The following COG3 variants were observed in gnomAD, a reference collection of about 807,000 sequenced individuals.
The protein encoded by COG3 is component of oligomeric golgi complex 3.
COG3 carries 32 observed loss-of-function variants against 114.1 expected under a neutral mutation model. The ratio of observed to expected loss-of-function variants is 0.28; its 90% CI spans 0.21 to 0.38. The LOEUF (loss-of-function observed/expected upper bound fraction) is 0.38, where lower values mean the gene tolerates loss of function less well. Among genes scored for constraint, COG3 ranks in the 10% least tolerant of loss-of-function variants. The pLI is 1.00. For missense variants in COG3, 813 were observed against 973.2 expected (o/e 0.84, Z 2.19); for synonymous variants, 352 against 365.7 (o/e 0.96, Z 0.43).
intron 19 of COG3, among the ~76,000 whole-genome samples, chr13:45,519,958 T>C (rs1447055383): frequency 6.6e-6 from 1 of 152,214 alleles, no homozygotes; most frequent in Non-Finnish European, 1.5e-5. Context: ...TAAGTGTCAT[T>C]ACTAAGGACT....
At chr13:45,525,110 A>G (rs547418924) in intron 20 of COG3, 59 bp downstream of exon 20, 11 of 1,376,854 alleles carry the variant, frequency 8.0e-6, no homozygotes, top group Admixed American at 5.3e-5. Flanking sequence ...TTGCATTTAT[A>G]TAGTCCTTAC....
At chr13:45,502,164 A>G (rs1282483355) in intron 13 of COG3, among the ~76,000 whole-genome samples, 5 of 152,184 alleles carry the variant, frequency 3.3e-5, no homozygotes, top group Admixed American at 3.3e-4. Flanking sequence ...CAAAGCAGGT[A>G]TGATGAAGAC....
At chr13:45,513,214 A>G (rs1317163595) in intron 16 of COG3, among the ~76,000 whole-genome samples, 1 of 47,498 alleles carries the variant, frequency 2.1e-5, no homozygotes, top group East Asian at 5.3e-4. Context: ...ATACATATAA[A>G]TTATATATAT....
chr13:45,522,947 C>G (rs548636651), intron 19 of COG3, among the ~76,000 whole-genome samples: 1 of 152,172 alleles, frequency 6.6e-6, no homozygotes, highest in Admixed American at 6.5e-5. Flanking sequence ...CCTGCAACTG[C>G]GTCTGCCACC....
chr13:45,510,735 C>G (rs1870765916), intron 15 of COG3, among the ~76,000 whole-genome samples: 1 of 152,150 alleles, frequency 6.6e-6, no homozygotes, highest in Non-Finnish European at 1.5e-5. Flanking sequence ...AGCTTATATT[C>G]AAATCTTAAC....
At chr13:45,478,244 T>G (rs1886013724) in intron 2 of COG3, among the ~76,000 whole-genome samples, 2 of 150,306 alleles carry the variant, frequency 1.3e-5, no homozygotes, top group African/African-American at 4.9e-5. Flanking sequence ...CAAACTGGAG[T>G]GCAGTGGCGT....
At chr13:45,513,501 A>ATATATAATATATACATATAAAT (rs1394176236) in intron 16 of COG3, among the ~76,000 whole-genome samples, 66 of 3,792 alleles carry the variant, frequency 0.017, 12 homozygotes, top group African/African-American at 0.027. Flanking sequence ...CATATAAATT[A>ATATATAATATATACATATAAAT]TATATATAAT....
chr13:45,531,845 A>T (rs1382661214), intron 22 of COG3, among the ~76,000 whole-genome samples: 1 of 152,148 alleles, frequency 6.6e-6, no homozygotes, highest in African/African-American at 2.4e-5. Context: ...GAGGAGAAAG[A>T]TGGGGTGGTA....
chr13:45,484,503 A>C (rs926443816), intron 7 of COG3, among the ~76,000 whole-genome samples: 1 of 152,172 alleles, frequency 6.6e-6, no homozygotes, highest in Non-Finnish European at 1.5e-5. Context: ...GAGAGATGAC[A>C]GTTCCATTTA....
Position 45,509,681 on chromosome 13 carries a change from T to C in COG3, c.1595-11T>C, listed in dbSNP as rs1336304069. The C allele has an allele frequency of 1.2e-6, 2 of 1,611,234 alleles. No homozygotes were observed. Among genetic ancestry groups the C allele is most frequent in the African/African-American group, 1.3e-5 (1 of 74,828 alleles). ...GTGTGAAATGTGTCTTCTTTTCCAC[T>C]TGGGTTTTAGGTTCAACAGAATCCC... On this transcript the variant is annotated splice_polypyrimidine_tract_variant and intron_variant, in intron 14 of 22. Coordinates refer to ENST00000349995, the MANE Select transcript of COG3 (RefSeq NM_031431.4).
chr13:45,535,887 AT>A lies in COG3; in HGVS notation c.*1158del, dbSNP rs1873519647. On this transcript the variant is annotated 3_prime_UTR_variant, in exon 23 of 23. Transcript: ENST00000349995. ...CAGCCAGCTTCTTAGTTCAAAAAGA[AT>A]TCTGAGTTTTTCAAACACTAGTCTA... 1 of 987,452 alleles carries A rather than the reference AT, an allele frequency of 1.0e-6. No individual in the cohort carries two copies. Among genetic ancestry groups the A allele is most frequent in the Non-Finnish European group, 1.2e-6 (1 of 830,074 alleles). 61.2% of individuals were successfully genotyped at this position (987,452 alleles called of 1,614,324 possible).
rs1873485564 is a variant in COG3, at chr13:45,535,434, C to G, written c.*703C>G. On this transcript the variant is annotated 3_prime_UTR_variant, in exon 23 of 23. Transcript: ENST00000349995. ...GCAGCATTCTCATCATAGATACGTG[C>G]AGTATCTTTAATGAGTATCTTCATG... is the stretch of plus-strand genomic sequence containing the variant. 1.0e-6 allele frequency: 1 copy of G among 984,806 alleles called. No individual in the cohort carries two copies. Among genetic ancestry groups the G allele is most frequent in the African/African-American group, 1.7e-5 (1 of 57,196 alleles). 61.0% of individuals were successfully genotyped at this position (984,806 alleles called of 1,614,324 possible). A position where few individuals can be genotyped will look rare whatever the true frequency, so the allele number is the denominator to read the frequency against.
intron 8 of COG3, among the ~76,000 whole-genome samples, chr13:45,489,819 A>AT (rs66501920): frequency 0.054 from 7,901 of 146,138 alleles, 244 homozygotes; most frequent in East Asian, 0.099. Flanking sequence ...ATTCCAATGG[A>AT]TTTTTTTTTT....
chr13:45,518,801 G>C lies in COG3; in HGVS notation c.1970G>C (p.Arg657Thr). The change falls in exon 18 of 23, where the codon AGA becomes ACA. Residue 657 changes from arginine to threonine, a missense_variant. Physicochemically the swap from Arg to Thr is moderately conservative, Grantham distance 71. Coordinates refer to ENST00000349995, the MANE Select transcript of COG3 (RefSeq NM_031431.4). ...ATCCTGAACCCTATGACTGTCCCAA[G>C]ATTTTTTAGGCTGAATAGCAACAAT... ...FKILNPMTVP[R>T]FFRLNSNNAL... 1 of 1,614,074 alleles carries C rather than the reference G, an allele frequency of 6.2e-7. No homozygotes were observed. Among genetic ancestry groups the C allele is most frequent in the Non-Finnish European group, 8.5e-7 (1 of 1,179,990 alleles).
In COG3 at chr13:45,488,034, A is replaced by G. The variant is rs9567551; in HGVS notation, c.924+1459A>G. Among the ~76,000 whole-genome samples the G allele has an allele frequency of 6.9e-3, 1,053 of 152,382 alleles. 45 individuals carry two copies. In the East Asian group the frequency reaches 0.11, roughly 16 times the overall value. ...ATGTGGTATATATAAACAATAAGATACTATTCAGCTGTAACAAAAAATGAA... is the reference window on the plus strand; with the variant it reads ...ATGTGGTATATATAAACAATAAGATGCTATTCAGCTGTAACAAAAAATGAA... On this transcript the variant is annotated intron_variant, in intron 8 of 22. Coordinates refer to ENST00000349995, the MANE Select transcript of COG3 (RefSeq NM_031431.4).
intron 19 of COG3, among the ~76,000 whole-genome samples, chr13:45,524,240 C>A (rs1410369556): frequency 6.6e-6 from 1 of 152,218 alleles, no homozygotes; most frequent in Non-Finnish European, 1.5e-5. Context: ...ACCTTTGGCA[C>A]ATGACTGTCT....
rs2137942659 is a variant in COG3 at position 45,536,220 on chromosome 13, A to T, written c.*1489A>T. ...CTGTTTTTTAAATACATGTTTAATGAAATAAACTGTAAAATATCCAGTTTT... is the reference window on the plus strand; with the variant it reads ...CTGTTTTTTAAATACATGTTTAATGTAATAAACTGTAAAATATCCAGTTTT... On this transcript the variant is annotated 3_prime_UTR_variant, in exon 23 of 23. Transcript: ENST00000349995. 6.6e-6 allele frequency: 1 copy of T among 152,370 alleles called. No individual in the cohort carries two copies. The highest frequency in any genetic ancestry group is 1.9e-4 in the East Asian group (1 of 5,190). The allele number at this position is 152,370 out of a possible 1,614,324, so 9.4% of individuals were successfully genotyped here. A position where few individuals can be genotyped will look rare whatever the true frequency, so the allele number is the denominator to read the frequency against.
At chr13:45,531,033 A>G in intron 22 of COG3, 1 of 1,080,330 alleles carries the variant, frequency 9.3e-7, no homozygotes, top group Non-Finnish European at 1.1e-6. Context: ...TGTGTTTAAG[A>G]GAATGACCTG....
At chr13:45,492,069 T>C (rs562535719) in intron 10 of COG3, 90 bp from the exon 11 acceptor site, 2 of 763,682 alleles carry the variant, frequency 2.6e-6, no homozygotes, top group African/African-American at 3.6e-5. Context: ...GTATGTGTTA[T>C]CTCTGCACAT....
Sources: allele counts gnomAD v4.1 joint callset (sites outside exome capture counted in the v4.1 genomes callset), GRCh38; gene constraint gnomAD v4.1.1; transcripts MANE v1.5; gene names NCBI Gene and HGNC (gene_info 2026-07-23, HGNC 2026-07-21).